The following WASHC5 variants were observed in gnomAD, a reference collection of about 807,000 sequenced individuals.
WASHC5 encodes WASH complex subunit strumpellin.
Under a neutral mutation model 150.4 loss-of-function variants are expected in WASHC5, and 101 were observed. That is an observed-to-expected ratio of 0.67 (90% CI 0.57 to 0.79). WASHC5 has a LOEUF of 0.79. Among genes scored for constraint, WASHC5 ranks in the 30% least tolerant of loss-of-function variants. WASHC5 has a pLI of 0.00. For synonymous variants in WASHC5, 467 were observed against 491.2 expected (o/e 0.95, Z 0.65); for missense variants, 1,195 against 1,396.3 (o/e 0.86, Z 2.30).
At chr8:125,025,716 C>T (rs1815359434) in intron 28 of WASHC5, among the ~76,000 whole-genome samples, 1 of 152,026 alleles carries the variant, frequency 6.6e-6, no homozygotes, top group African/African-American at 2.4e-5. Context: ...ACATTCTGCA[C>T]GTGTAGCCCA....
chr8:125,074,276 TAGG>T (rs370940493), intron 8 of WASHC5, among the ~76,000 whole-genome samples: 4 of 152,234 alleles, frequency 2.6e-5, no homozygotes, highest in African/African-American at 7.2e-5. Context: ...AATATATTTC[TAGG>T]AGATGTGCCA....
At chr8:125,026,444 CTA>C (rs1815381812) in intron 28 of WASHC5, among the ~76,000 whole-genome samples, 1 of 151,670 alleles carries the variant, frequency 6.6e-6, no homozygotes, top group Non-Finnish European at 1.5e-5. Flanking sequence ...AATCAAGTCT[CTA>C]AATCTTTTTC....
In WASHC5 at chr8:125,038,842, G is replaced by A. The variant is rs2129991161; in HGVS notation, c.3072C>T (p.Asn1024=). 1 of 1,614,002 alleles carries A rather than the reference G, an allele frequency of 6.2e-7. No homozygotes were observed. Among genetic ancestry groups the A allele is most frequent in the Non-Finnish European group, 8.5e-7 (1 of 1,179,902 alleles). The change falls in exon 25 of 29, where the codon AAC becomes AAT. Residue 1024 remains asparagine (N), a synonymous_variant. Transcript: ENST00000318410. ...TAYLEAAGIH[N]PLNKIYITTK... is the part of the protein sequence containing the mutation. ...TTTAATTACTCACCTTATTCAGTGG[G>A]TTGTGAATGCCAGCTGCCTCCAGAT...
rs74875817 is a variant in WASHC5, at chr8:125,076,807, C to T, written c.712-307G>A. ...ACCACTTCTCCATTTTTGTATCTTT[C>T]CTGTTGGAGACAACCCTTAGAACTG... On this transcript the variant is annotated intron_variant, in intron 6 of 28. Coordinates refer to ENST00000318410, the MANE Select transcript of WASHC5 (RefSeq NM_014846.4). 0.11 allele frequency among the ~76,000 whole-genome samples: 15,827 copies of T among 149,518 alleles called. 1,997 individuals carry two copies. Among genetic ancestry groups the T allele is most frequent in the African/African-American group, 0.3 (12,007 of 40,054 alleles).
intron 26 of WASHC5, among the ~76,000 whole-genome samples, chr8:125,035,108 A>G (rs1285108345): frequency 1.3e-5 from 2 of 152,244 alleles, no homozygotes; most frequent in Admixed American, 1.3e-4. Context: ...CTGAATACCC[A>G]CAAAGATACC....
intron 18 of WASHC5, among the ~76,000 whole-genome samples, chr8:125,049,422 G>A (rs1816171956): frequency 1.3e-5 from 2 of 151,132 alleles, no homozygotes; most frequent in South Asian, 4.2e-4. Flanking sequence ...GTAGCCAGGT[G>A]TGGTGTGTAC....
At chr8:125,081,633 C>A in intron 5 of WASHC5, 28 bp downstream of exon 5, 3 of 1,304,418 alleles carry the variant, frequency 2.3e-6, no homozygotes, top group South Asian at 1.2e-5. Context: ...AGCAGCGTTT[C>A]GGAAGTGTAG....
rs150819213 is a variant in WASHC5 at position 125,038,849 on chromosome 8, A to T, written c.3065T>A (p.Ile1022Asn). The T allele has an allele frequency of 3.7e-6, 6 of 1,613,966 alleles. No individual in the cohort carries two copies. Reference protein sequence around the residue: ...EITAYLEAAGIHNPLNKIYIT... With the variant: ...EITAYLEAAGNHNPLNKIYIT... ...ACTCACCTTATTCAGTGGGTTGTGA[A>T]TGCCAGCTGCCTCCAGATAGGCTGT... is the stretch of plus-strand genomic sequence containing the variant. Residue 1022 changes from isoleucine to asparagine, a missense_variant, in exon 25 of 29, where the codon ATT (isoleucine) becomes AAT (asparagine). By Grantham distance (149) the Ile-to-Asn change is moderately radical (BLOSUM62 -3). Around this residue, in one of 3 missense-constraint regions of WASHC5, gnomAD observed 997 missense variants for 1,168.1 expected, o/e 0.85. Coordinates refer to ENST00000318410, the MANE Select transcript of WASHC5 (RefSeq NM_014846.4).
chr8:125,080,164 G>T (rs1817205714), intron 5 of WASHC5, among the ~76,000 whole-genome samples: 1 of 152,168 alleles, frequency 6.6e-6, no homozygotes, highest in South Asian at 2.1e-4. Flanking sequence ...CTGTGACTTG[G>T]AAGTGTTCAG....
intron 8 of WASHC5, 150 bp downstream of exon 8, chr8:125,074,848 C>G (rs1586379651): frequency 1.5e-6 from 1 of 684,890 alleles, no homozygotes; most frequent in East Asian, 2.7e-5. Context: ...CTATCTTATT[C>G]TAACCTATAA....
intron 17 of WASHC5, among the ~76,000 whole-genome samples, chr8:125,051,675 G>A (rs1327920606): frequency 1.3e-5 from 2 of 152,150 alleles, no homozygotes; most frequent in Non-Finnish European, 2.9e-5. Context: ...ATCACCCAAG[G>A]TCAGGAGTTC....
intron 24 of WASHC5, 36 bp from the exon 25 acceptor site, chr8:125,038,995 G>A (rs544102919): frequency 1.0e-5 from 16 of 1,604,588 alleles, no homozygotes; most frequent in Non-Finnish European, 1.4e-5. Flanking sequence ...AAACATTAGT[G>A]AGTAAATGAA....
In WASHC5 at chr8:125,061,848, T is replaced by C. The variant is rs150989505; in HGVS notation, c.1409-654A>G. Among the ~76,000 whole-genome samples the C allele has an allele frequency of 1.8e-3, 275 of 152,224 alleles. 1 individual carries two copies. The highest frequency in any genetic ancestry group is 3.3e-3 in the Non-Finnish European group (224 of 68,012). On this transcript the variant is annotated intron_variant, in intron 11 of 28. Transcript: ENST00000318410. ...TGATCTTCATAGCAATACAGGGAGG[T>C]GGAAATTGTTAGCCATTTCCCAGAT...
chr8:125,070,580 T>A (rs1185229022), intron 9 of WASHC5, among the ~76,000 whole-genome samples: 3 of 152,222 alleles, frequency 2.0e-5, no homozygotes, highest in Admixed American at 6.5e-5. Flanking sequence ...AAGTGAGGGC[T>A]TGAGTTGTTT....
intron 1 of WASHC5, among the ~76,000 whole-genome samples, chr8:125,085,066 G>C (rs1817380397): frequency 6.6e-6 from 1 of 152,206 alleles, no homozygotes; most frequent in African/African-American, 2.4e-5. Context: ...AGTATAAGGA[G>C]TGCATAAATA....
intron 5 of WASHC5, among the ~76,000 whole-genome samples, chr8:125,079,755 A>G (rs1221981960): frequency 6.6e-6 from 1 of 152,210 alleles, no homozygotes; most frequent in Non-Finnish European, 1.5e-5. Flanking sequence ...AAGACTATAT[A>G]TAGCCTCACA....
At chr8:125,025,677 C>T (rs938175457) in intron 28 of WASHC5, among the ~76,000 whole-genome samples, 1 of 152,098 alleles carries the variant, frequency 6.6e-6, no homozygotes, top group African/African-American at 2.4e-5. Context: ...ACAGATGGCA[C>T]ATGTATAATA....
At chr8:125,071,307 T>TA (rs1816889354) in intron 9 of WASHC5, among the ~76,000 whole-genome samples, 1 of 152,202 alleles carries the variant, frequency 6.6e-6, no homozygotes, top group Non-Finnish European at 1.5e-5. Flanking sequence ...TAATTCAACT[T>TA]ACTTATTTTT....
chr8:125,072,177 C>T (rs1270553604), intron 9 of WASHC5, among the ~76,000 whole-genome samples: 1 of 151,624 alleles, frequency 6.6e-6, no homozygotes, highest in East Asian at 1.9e-4. Context: ...ACTGTCTCTA[C>T]AAAAAAATAC....
Sources: allele counts gnomAD v4.1 joint callset (sites outside exome capture counted in the v4.1 genomes callset), GRCh38; gene constraint gnomAD v4.1.1; regional missense constraint gnomAD v4.1.1; transcripts MANE v1.5; gene names NCBI Gene and HGNC (gene_info 2026-07-23, HGNC 2026-07-21).